AGBL1: variants seen among roughly 807,000 people sequenced by gnomAD.
The protein encoded by AGBL1 is AGBL carboxypeptidase 1.
AGBL1 carries 130 observed loss-of-function variants against 118.9 expected under a neutral mutation model. The ratio of observed to expected loss-of-function variants is 1.09; its 90% CI spans 0.95 to 1.26. The LOEUF (loss-of-function observed/expected upper bound fraction) is 1.26. AGBL1 is among the 50% of genes most tolerant of loss of function. AGBL1 has a pLI of 0.00. For synonymous variants in AGBL1, 555 were observed against 478.9 expected, an observed-to-expected ratio of 1.16 and a Z score of -2.08; for missense variants, 1,584 against 1,298.1, an observed-to-expected ratio of 1.22 and a Z score of -3.38.
At chr15:86,412,781 A>T (rs955605038) in intron 18 of AGBL1, among the ~76,000 whole-genome samples, 2 of 152,164 alleles carry the variant, frequency 1.3e-5, no homozygotes, top group African/African-American at 4.8e-5. Context: ...CATCCCCACC[A>T]TCTCTACTAT....
intron 21 of AGBL1, among the ~76,000 whole-genome samples, chr15:86,599,210 A>G (rs575972909): frequency 6.6e-6 from 1 of 152,242 alleles, no homozygotes; most frequent in East Asian, 1.9e-4. Context: ...ACAAAGGGAC[A>G]CTTACTAGTA....
In AGBL1 at chr15:86,912,558, C is replaced by T. The variant is rs1482263759; in HGVS notation, c.*5264C>T. 1 of 152,056 alleles carries T rather than the reference C, an allele frequency of 6.6e-6. No individual in the cohort carries two copies. Among genetic ancestry groups the T allele is most frequent in the Non-Finnish European group, 1.5e-5 (1 of 68,048 alleles). 9.4% of individuals were successfully genotyped at this position (152,056 alleles called of 1,614,324 possible). On this transcript the variant is annotated 3_prime_UTR_variant, in exon 23 of 23. Coordinates refer to ENST00000614907, the MANE Select transcript of AGBL1 (RefSeq NM_001386094.1). ...GCCACCAAGAATATTTGAAATTAAC[C>T]TGCTCCCTGAGTTACAAGCTCACCT...
At chr15:86,634,598 T>C (rs1214211083) in intron 21 of AGBL1, among the ~76,000 whole-genome samples, 2 of 152,180 alleles carry the variant, frequency 1.3e-5, no homozygotes, top group Non-Finnish European at 1.5e-5. Flanking sequence ...GAGTTTCTTT[T>C]TGAGGTGATG....
chr15:86,874,765 G>T (rs1224529400), intron 22 of AGBL1, among the ~76,000 whole-genome samples: 2 of 152,136 alleles, frequency 1.3e-5, no homozygotes, highest in Non-Finnish European at 2.9e-5. Context: ...TACTTTTTAT[G>T]CAGTGGCCCA....
At chr15:86,519,762 C>A (rs966851098) in intron 18 of AGBL1, among the ~76,000 whole-genome samples, 1 of 152,146 alleles carries the variant, frequency 6.6e-6, no homozygotes, top group Non-Finnish European at 1.5e-5. Flanking sequence ...GATTCATTGC[C>A]TCTACCTCCA....
At position 86,322,551 on chromosome 15, in the gene AGBL1, C is replaced by T. The variant is rs555053869; in HGVS notation, c.2374+27143C>T. 1.5e-3 allele frequency among the ~76,000 whole-genome samples: 225 copies of T among 152,014 alleles called. 2 individuals carry two copies. The highest frequency in any genetic ancestry group is 5.2e-3 in the African/African-American group (217 of 41,470). ...GTCTTTGGAGGTTTATTTTTAATGT[C>T]GGTTTTTTCAGCTAGTTTTTATTTG... On this transcript the variant is annotated intron_variant, in intron 17 of 22. Transcript: ENST00000614907.
At chr15:86,995,853 A>G (rs908036053) in intron 24 of AGBL1, among the ~76,000 whole-genome samples, 5 of 152,182 alleles carry the variant, frequency 3.3e-5, no homozygotes, top group African/African-American at 1.2e-4. Context: ...AAGAATCTGC[A>G]TTGATCAGTC....
intron 21 of AGBL1, among the ~76,000 whole-genome samples, chr15:86,643,156 C>T (rs905785118): frequency 2.0e-5 from 3 of 152,122 alleles, no homozygotes; most frequent in Admixed American, 6.6e-5. Flanking sequence ...GAAAGATGGG[C>T]TGGCTCCTTA....
chr15:86,325,368 A>T (rs568442713), intron 17 of AGBL1, among the ~76,000 whole-genome samples: 6 of 152,274 alleles, frequency 3.9e-5, no homozygotes, highest in African/African-American at 1.4e-4. Flanking sequence ...TTGTAGTGGG[A>T]AGGAAAGTTT....
intron 6 of AGBL1, among the ~76,000 whole-genome samples, chr15:86,232,470 T>A (rs1597595744): frequency 6.6e-6 from 1 of 152,228 alleles, no homozygotes; most frequent in East Asian, 1.9e-4. Flanking sequence ...TATCTGTGCT[T>A]CCCAGCGTTA....
chr15:86,182,294 C>T (rs1369113952), intron 5 of AGBL1, among the ~76,000 whole-genome samples: 2 of 151,712 alleles, frequency 1.3e-5, no homozygotes, highest in South Asian at 2.1e-4. Flanking sequence ...TCTCTTCTTC[C>T]CTTTCTCTTC....
At chr15:86,791,751 T>TATATA (rs1596484565) in intron 22 of AGBL1, among the ~76,000 whole-genome samples, 2 of 149,408 alleles carry the variant, frequency 1.3e-5, no homozygotes, top group Admixed American at 6.7e-5. Flanking sequence ...TATATATATA[T>TATATA]TTTGAGACAG....
At chr15:86,598,219 G>T (rs960347966) in intron 21 of AGBL1, among the ~76,000 whole-genome samples, 1 of 152,036 alleles carries the variant, frequency 6.6e-6, no homozygotes, top group Non-Finnish European at 1.5e-5. Flanking sequence ...TATCATCATG[G>T]TAATCATATA....
chr15:86,674,101 C>A (rs1274072430), intron 21 of AGBL1, among the ~76,000 whole-genome samples, 172 bp from the exon 22 acceptor site: 1 of 152,092 alleles, frequency 6.6e-6, no homozygotes, highest in African/African-American at 2.4e-5. Flanking sequence ...GACTGAGAAC[C>A]ACCACTCCAC....
At chr15:86,824,939 C>G (rs563570626) in intron 22 of AGBL1, among the ~76,000 whole-genome samples, 54 of 152,120 alleles carry the variant, frequency 3.5e-4, no homozygotes, top group Non-Finnish European at 6.6e-4. Flanking sequence ...CACCTGTAAT[C>G]CCAGCTACTT....
chr15:86,735,135 G>T (rs1188162316), intron 22 of AGBL1, among the ~76,000 whole-genome samples: 1 of 152,048 alleles, frequency 6.6e-6, no homozygotes, highest in Non-Finnish European at 1.5e-5. Flanking sequence ...AGGCTGGAGT[G>T]CAGTGGCGCG....
rs555773046 is a variant in AGBL1 at position 86,795,240 on chromosome 15, A to G, written c.3159-111847A>G. Among the ~76,000 whole-genome samples, 86 of 152,234 alleles carry G rather than the reference A, an allele frequency of 5.6e-4. 1 individual carries two copies. The highest frequency in any genetic ancestry group is 2.0e-3 in the African/African-American group (85 of 41,536). ...TCTTGCTTGGATCCCCTGCATTGTGAAAGGGAGACATGGGGATAGACAAAT... is the reference window on the plus strand; with the variant it reads ...TCTTGCTTGGATCCCCTGCATTGTGGAAGGGAGACATGGGGATAGACAAAT... On this transcript the variant is annotated intron_variant, in intron 22 of 22. Transcript: ENST00000614907.
intron 22 of AGBL1, among the ~76,000 whole-genome samples, chr15:86,679,100 G>A (rs1454589183): frequency 6.6e-6 from 1 of 151,956 alleles, no homozygotes; most frequent in Non-Finnish European, 1.5e-5. Context: ...ATAATGAGTT[G>A]TTAGCTGCCA....
At chr15:86,372,059 G>T (rs2141944979) in intron 17 of AGBL1, among the ~76,000 whole-genome samples, 1 of 152,298 alleles carries the variant, frequency 6.6e-6, no homozygotes, top group Non-Finnish European at 1.5e-5. Context: ...ACCCATAGCT[G>T]CTGGGCTTTT....
Sources: allele counts gnomAD v4.1 joint callset (sites outside exome capture counted in the v4.1 genomes callset), GRCh38; gene constraint gnomAD v4.1.1; transcripts MANE v1.5; gene names NCBI Gene and HGNC (gene_info 2026-07-23, HGNC 2026-07-21).